The following LAMA3 variants were observed in gnomAD, a reference collection of about 807,000 sequenced individuals.
LAMA3 encodes the protein laminin subunit alpha-3.
LAMA3 carries 281 observed loss-of-function variants against 402.0 expected under a neutral mutation model. The observed-to-expected ratio is 0.70, with a 90% CI of 0.63 to 0.77. The LOEUF is 0.77. LAMA3 is among the 30% of genes least tolerant of loss of function. The probability of loss-of-function intolerance (pLI) is 0.00; values close to 1 mark genes in which losing one functional copy is unlikely to be tolerated. For missense variants in LAMA3, 3,840 were observed against 4,215.5 expected, an observed-to-expected ratio of 0.91 and a Z score of 2.47; for synonymous variants, 1,431 against 1,558.4, an observed-to-expected ratio of 0.92 and a Z score of 1.93.
Position 23,939,498 on chromosome 18 carries a change from ACTACCATTTTTG to A in LAMA3, c.9026+113_9026+124del. 3 of 1,183,158 alleles carry A rather than the reference ACTACCATTTTTG, an allele frequency of 2.5e-6. No homozygotes were observed. The South Asian group carries it at 3.7e-5, about 14-fold the overall frequency. 73.3% of individuals were successfully genotyped at this position (1,183,158 alleles called of 1,614,324 possible). On this transcript the variant is annotated intron_variant, in intron 68 of 74. Coordinates refer to ENST00000313654, the MANE Select transcript of LAMA3 (RefSeq NM_198129.4). ...TGCAGCTCTCTCTAATGAAGGTGGC[ACTACCATTTTTG>A]TGCAAAGAGGTGCTGGCCTGCACAG... is the stretch of plus-strand genomic sequence containing the variant.
At chr18:23,783,912 C>T in intron 11 of LAMA3, 111 bp from the exon 12 acceptor site, 3 of 1,350,916 alleles carry the variant, frequency 2.2e-6, no homozygotes, top group Non-Finnish European at 2.1e-6. Context: ...TGTTTAACAG[C>T]CATAGATAAT....
intron 1 of LAMA3, chr18:23,710,381 T>C (rs1490202795): frequency 9.7e-6 from 3 of 309,438 alleles, no homozygotes; most frequent in Non-Finnish European, 1.9e-5. Context: ...CAAAACCTTG[T>C]TGCTTGGTGC....
At chr18:23,899,502 T>TGAAA (rs2080995261) in intron 47 of LAMA3, 47 bp downstream of exon 47, 2 of 1,589,344 alleles carry the variant, frequency 1.3e-6, no homozygotes, top group South Asian at 2.2e-5. Context: ...CTAATTGATT[T>TGAAA]GAAACACAAC....
At chr18:23,881,277 AT>A (rs1214116549) in intron 39 of LAMA3, among the ~76,000 whole-genome samples, 1 of 152,196 alleles carries the variant, frequency 6.6e-6, no homozygotes, top group African/African-American at 2.4e-5. Flanking sequence ...GATAACATTA[AT>A]TTCTTGCTTC....
intron 42 of LAMA3, among the ~76,000 whole-genome samples, chr18:23,891,855 T>C (rs1464524711): frequency 6.6e-6 from 1 of 152,190 alleles, no homozygotes; most frequent in African/African-American, 2.4e-5. Flanking sequence ...ACTGCTCATG[T>C]AAGTCCTCAC....
At chr18:23,928,547 G>T (rs1327385747) in intron 63 of LAMA3, 78 bp from the exon 64 acceptor site, 1 of 1,361,476 alleles carries the variant, frequency 7.3e-7, no homozygotes, top group Admixed American at 1.7e-5. Flanking sequence ...TTTGAGTAAA[G>T]TGAGATAGGG....
intron 13 of LAMA3, among the ~76,000 whole-genome samples, chr18:23,811,997 T>C (rs534694662): frequency 3.3e-5 from 5 of 151,844 alleles, no homozygotes; most frequent in East Asian, 2.0e-4. Context: ...CCTCAGCCTC[T>C]CGAGTAGCTG....
chr18:23,929,027 T>C (rs142363150), intron 64 of LAMA3, among the ~76,000 whole-genome samples: 2 of 152,354 alleles, frequency 1.3e-5, no homozygotes, highest in African/African-American at 4.8e-5. Flanking sequence ...TCTTTTCAGG[T>C]ATATTTTATA....
intron 12 of LAMA3, among the ~76,000 whole-genome samples, chr18:23,807,587 G>A (rs757110967): frequency 5.3e-5 from 8 of 152,128 alleles, no homozygotes; most frequent in Non-Finnish European, 1.2e-4. Flanking sequence ...CTGCAAGGTA[G>A]GCTAACAGGT....
At chr18:23,772,097 A>AGT (rs1242014732) in intron 8 of LAMA3, among the ~76,000 whole-genome samples, 1 of 147,134 alleles carries the variant, frequency 6.8e-6, no homozygotes, top group Non-Finnish European at 1.5e-5. Flanking sequence ...GCTGGAGTGC[A>AGT]GTGGTGTGAT....
At chr18:23,748,486 T>A (rs2061691338) in intron 3 of LAMA3, among the ~76,000 whole-genome samples, 1 of 151,762 alleles carries the variant, frequency 6.6e-6, no homozygotes, top group African/African-American at 2.4e-5. Flanking sequence ...TGGTCACTTT[T>A]AACCTCTAAA....
chr18:23,840,786 G>T (rs1402982472), intron 27 of LAMA3, among the ~76,000 whole-genome samples: 1 of 152,086 alleles, frequency 6.6e-6, no homozygotes, highest in Non-Finnish European at 1.5e-5. Context: ...TTTACATTAT[G>T]ATATTACAAG....
At chr18:23,868,016 G>A in intron 37 of LAMA3, 99 bp downstream of exon 37, 2 of 945,360 alleles carry the variant, frequency 2.1e-6, no homozygotes, top group East Asian at 5.3e-5. Context: ...GTAAAATATG[G>A]ATTCTATTTA....
rs534468315 is a variant in LAMA3, at chr18:23,746,543, A to G, written c.448-1400A>G. On this transcript the variant is annotated intron_variant, in intron 2 of 74. Coordinates refer to ENST00000313654, the MANE Select transcript of LAMA3 (RefSeq NM_198129.4). ...CTCCTATTAAGCCCCAAACTCAGCG[A>G]GCTTAACAAAAATGTAAAGCAATGC... Among the ~76,000 whole-genome samples the G allele has an allele frequency of 4.6e-5, 7 of 152,362 alleles. No homozygotes were observed. The South Asian group carries it at 8.3e-4, about 18-fold the overall frequency.
chr18:23,744,831 CAAAAAAAAA>C (rs755527455), intron 2 of LAMA3, among the ~76,000 whole-genome samples: 5 of 31,076 alleles, frequency 1.6e-4, no homozygotes, highest in African/African-American at 5.0e-4. Context: ...GACTCTGTCT[CAAAAAAAAA>C]AAAAAAAAAA....
At chr18:23,887,026 A>G (rs1263562984) in intron 41 of LAMA3, among the ~76,000 whole-genome samples, 1 of 152,180 alleles carries the variant, frequency 6.6e-6, no homozygotes, top group Non-Finnish European at 1.5e-5. Flanking sequence ...TCTGTTTTCC[A>G]TTTTCCATTT....
intron 12 of LAMA3, chr18:23,795,980 A>C (rs1459175949): frequency 1.8e-5 from 6 of 336,702 alleles, no homozygotes; most frequent in African/African-American, 4.4e-5. Flanking sequence ...GAAGAGACAC[A>C]AGATAGCTCG....
chr18:23,730,619 G>A (rs747468014), intron 2 of LAMA3, among the ~76,000 whole-genome samples: 24 of 151,982 alleles, frequency 1.6e-4, no homozygotes, highest in South Asian at 4.2e-4. Context: ...CGCCTGCCTC[G>A]GCCTCCCAAA....
intron 10 of LAMA3, 43 bp downstream of exon 10, chr18:23,775,966 A>T (rs771504143): frequency 1.9e-6 from 3 of 1,613,172 alleles, no homozygotes; most frequent in South Asian, 2.2e-5. Flanking sequence ...TTTTTGGTCC[A>T]TAGCTGGCTT....
Sources: gnomAD v4.1 joint callset for allele counts (sites outside exome capture counted in the v4.1 genomes callset) on GRCh38, gnomAD v4.1.1 for gene constraint, MANE v1.5 for transcripts, NCBI Gene and HGNC (gene_info 2026-07-23, HGNC 2026-07-21) for gene names.